Variants in KCNQ5 observed in about 807,000 individuals in gnomAD.
KCNQ5 encodes potassium voltage-gated channel subfamily KQT member 5.
In KCNQ5, 30 loss-of-function variants were observed where a neutral mutation model predicts 98.2. The observed-to-expected ratio is 0.31, with a 90% CI of 0.23 to 0.41. KCNQ5 has a LOEUF of 0.41. KCNQ5 is among the 10% of genes least tolerant of loss of function. The pLI, the probability that KCNQ5 is intolerant of heterozygous loss-of-function variation, is 1.00. For synonymous variants in KCNQ5, 458 were observed against 449.4 expected (o/e 1.02, Z -0.24); for missense variants, 835 against 1,182.5 (o/e 0.71, Z 4.31).
chr6:72,870,952 C>T (rs1778178478), intron 1 of KCNQ5, among the ~76,000 whole-genome samples: 1 of 152,152 alleles, frequency 6.6e-6, no homozygotes, highest in Non-Finnish European at 1.5e-5. Context: ...TTTTTCCTTT[C>T]ATGTTTTAAC....
chr6:72,693,470 CAT>C (rs1768315899), intron 1 of KCNQ5, among the ~76,000 whole-genome samples: 1 of 152,088 alleles, frequency 6.6e-6, no homozygotes, highest in Non-Finnish European at 1.5e-5. Flanking sequence ...GAAAACAAAA[CAT>C]AACAAAGCTG....
chr6:72,941,124 G>T (rs1766212260), intron 1 of KCNQ5, among the ~76,000 whole-genome samples: 1 of 152,152 alleles, frequency 6.6e-6, no homozygotes, highest in Non-Finnish European at 1.5e-5. Flanking sequence ...ATCTCAGTGA[G>T]TATTAATTTC....
chr6:73,134,200 T>G, intron 10 of KCNQ5: 1 of 253,794 alleles, frequency 3.9e-6, no homozygotes, highest in Non-Finnish European at 8.0e-6. Flanking sequence ...ATTCAAGTTC[T>G]TCTCCCAAGA....
At chr6:73,093,655 AT>A (rs1774348180) in intron 5 of KCNQ5, among the ~76,000 whole-genome samples, 1 of 151,866 alleles carries the variant, frequency 6.6e-6, no homozygotes, top group Non-Finnish European at 1.5e-5. Context: ...TCTTGATTTC[AT>A]TTTTGGCCCA....
At chr6:73,037,832 T>C (rs552449424) in intron 2 of KCNQ5, among the ~76,000 whole-genome samples, 1 of 152,286 alleles carries the variant, frequency 6.6e-6, no homozygotes, top group Admixed American at 6.5e-5. Flanking sequence ...TTCTTCTTTG[T>C]CAGCATTGTT....
intron 3 of KCNQ5, among the ~76,000 whole-genome samples, chr6:73,073,011 A>G (rs1334541127): frequency 1.3e-5 from 2 of 152,098 alleles, no homozygotes; most frequent in African/African-American, 4.8e-5. Context: ...GTTTTTCAGC[A>G]TCATTTTATT....
intron 1 of KCNQ5, among the ~76,000 whole-genome samples, chr6:72,928,208 C>A (rs1765529492): frequency 6.6e-6 from 1 of 152,010 alleles, no homozygotes; most frequent in Non-Finnish European, 1.5e-5. Flanking sequence ...CTTTCTGTTA[C>A]TCTTAATTTA....
intron 10 of KCNQ5, among the ~76,000 whole-genome samples, chr6:73,146,543 T>G (rs939952946): frequency 6.7e-6 from 1 of 149,354 alleles, no homozygotes; most frequent in Non-Finnish European, 1.5e-5. Context: ...GGGAGGATCT[T>G]TTGAGCCCAG....
intron 5 of KCNQ5, among the ~76,000 whole-genome samples, chr6:73,082,211 C>T (rs2150396169): frequency 6.6e-6 from 1 of 152,272 alleles, no homozygotes; most frequent in South Asian, 2.1e-4. Flanking sequence ...CGCCTTGTTA[C>T]CCTGCAGCCT....
At chr6:72,995,010 A>G (rs1769218654) in intron 1 of KCNQ5, among the ~76,000 whole-genome samples, 2 of 152,318 alleles carry the variant, frequency 1.3e-5, no homozygotes, top group South Asian at 2.1e-4. Context: ...TGGGCTTTGT[A>G]TATTGATAAG....
At chr6:72,837,451 A>G (rs1416122810) in intron 1 of KCNQ5, among the ~76,000 whole-genome samples, 2 of 148,708 alleles carry the variant, frequency 1.3e-5, no homozygotes, top group African/African-American at 2.6e-5. Context: ...TTGCCTTTGT[A>G]TGTAACACCT....
At chr6:72,649,157 C>T (rs1162019003) in intron 1 of KCNQ5, among the ~76,000 whole-genome samples, 1 of 152,118 alleles carries the variant, frequency 6.6e-6, no homozygotes. Flanking sequence ...TAGAGGGCTT[C>T]TAAGAACACT....
At chr6:72,734,413 C>T (rs1770716925) in intron 1 of KCNQ5, among the ~76,000 whole-genome samples, 1 of 152,064 alleles carries the variant, frequency 6.6e-6, no homozygotes, top group Admixed American at 6.5e-5. Flanking sequence ...GCTCCACCTC[C>T]CGGGTTCACG....
At chr6:72,641,294 C>A (rs2098927059) in intron 1 of KCNQ5, among the ~76,000 whole-genome samples, 1 of 152,056 alleles carries the variant, frequency 6.6e-6, no homozygotes, top group Non-Finnish European at 1.5e-5. Flanking sequence ...AATCCAAAAT[C>A]ATCATCAGCA....
chr6:72,860,851 G>GTA (rs762043513), intron 1 of KCNQ5, among the ~76,000 whole-genome samples: 105 of 101,180 alleles, frequency 1.0e-3, no homozygotes, highest in Middle Eastern at 4.4e-3. Flanking sequence ...GTGTGTGTGT[G>GTA]TGTATGTGTG....
intron 1 of KCNQ5, among the ~76,000 whole-genome samples, chr6:72,737,195 A>G (rs1418852244): frequency 6.6e-6 from 1 of 152,170 alleles, no homozygotes; most frequent in Non-Finnish European, 1.5e-5. Flanking sequence ...CCCGGCCTCA[A>G]GTGATCTGCC....
At chr6:72,931,909 G>T (rs1275675393) in intron 1 of KCNQ5, among the ~76,000 whole-genome samples, 1 of 152,092 alleles carries the variant, frequency 6.6e-6, no homozygotes, top group Admixed American at 6.6e-5. Context: ...AAACAGGCAG[G>T]TAAAATGAAA....
intron 1 of KCNQ5, among the ~76,000 whole-genome samples, chr6:72,649,719 A>T (rs764099238): frequency 3.1e-4 from 47 of 152,266 alleles, no homozygotes; most frequent in Non-Finnish European, 4.7e-4. Context: ...TGTAATTCAG[A>T]TGAAGCATTA....
At chr6:73,053,144 TAAAG>T (rs1159639788) in intron 3 of KCNQ5, among the ~76,000 whole-genome samples, 1 of 151,960 alleles carries the variant, frequency 6.6e-6, no homozygotes, top group Non-Finnish European at 1.5e-5. Flanking sequence ...TCAAAAAAGA[TAAAG>T]AAAGGCATTA....
Sources: gnomAD v4.1 joint callset for allele counts (sites outside exome capture counted in the v4.1 genomes callset) on GRCh38, gnomAD v4.1.1 for gene constraint, MANE v1.5 for transcripts, NCBI Gene and HGNC (gene_info 2026-07-23, HGNC 2026-07-21) for gene names.